Variants in TTC23L observed in about 807,000 individuals in gnomAD.
The protein encoded by TTC23L is tetratricopeptide repeat domain 23 like.
Under a neutral mutation model 48.1 loss-of-function variants are expected in TTC23L, and 42 were observed. That is an observed-to-expected ratio of 0.87 (90% CI 0.68 to 1.13). The LOEUF (loss-of-function observed/expected upper bound fraction) is 1.13. Among genes scored for constraint, TTC23L ranks in the 50% most tolerant of loss-of-function variants. The probability of loss-of-function intolerance (pLI) is 0.00; values close to 1 mark genes in which losing one functional copy is unlikely to be tolerated. For synonymous variants in TTC23L, 159 were observed against 157.2 expected, an observed-to-expected ratio of 1.01 and a Z score of -0.09; for missense variants, 391 against 421.0, an observed-to-expected ratio of 0.93 and a Z score of 0.62.
chr5:34,845,170 T>G (rs891893024), intron 2 of TTC23L, among the ~76,000 whole-genome samples: 2 of 152,226 alleles, frequency 1.3e-5, no homozygotes, highest in Non-Finnish European at 2.9e-5. Context: ...ATTATCTCAT[T>G]TAATCCCATA....
In TTC23L at chr5:34,880,426, G is replaced by C. The variant is rs1224246090; in HGVS notation, c.1077+118G>C. On this transcript the variant is annotated intron_variant, in intron 9 of 10. Coordinates refer to ENST00000505624, the Ensembl canonical transcript of TTC23L. ...ATAGGTCCCAGATAAAACTAGGCAA[G>C]AACCACATTGTTTCATTCTTTGCTA... The C allele has an allele frequency of 7.5e-6, 8 of 1,065,102 alleles. No individual in the cohort carries two copies. The Admixed American group carries it at 2.5e-4, about 33-fold the overall frequency. 66.0% of individuals were successfully genotyped at this position (1,065,102 alleles called of 1,614,324 possible). A position where few individuals can be genotyped will look rare whatever the true frequency, so the allele number is the denominator to read the frequency against.
At chr5:34,879,555 C>A (rs184937510) in intron 8 of TTC23L, among the ~76,000 whole-genome samples, 1 of 152,260 alleles carries the variant, frequency 6.6e-6, no homozygotes, top group South Asian at 2.1e-4. Context: ...AAAATATAGT[C>A]TTGCAGTATA....
At chr5:34,925,662 T>C in the TTC23L span, 7 of 579,124 alleles carry the variant, frequency 1.2e-5, no homozygotes, top group South Asian at 2.0e-4. Flanking sequence ...AAATAAAATA[T>C]CACCAGAATT....
intron 10 of TTC23L, 149 bp downstream of exon 10, chr5:34,897,024 C>A (rs1433143686): frequency 2.3e-5 from 12 of 529,656 alleles, no homozygotes; most frequent in African/African-American, 3.8e-5. Context: ...AAAAAAAAAA[C>A]AAAAAAAACA....
chr5:34,853,731 A>G (rs558715524), intron 4 of TTC23L, among the ~76,000 whole-genome samples: 1 of 152,306 alleles, frequency 6.6e-6, no homozygotes, highest in Non-Finnish European at 1.5e-5. Context: ...AGGAAGGTCA[A>G]ATAAGGTAAT....
At chr5:34,919,360 G>A in the TTC23L span, among the ~76,000 whole-genome samples, 1 of 151,344 alleles carries the variant, frequency 6.6e-6, no homozygotes, top group African/African-American at 2.4e-5. Context: ...ATGTTGAGAG[G>A]TGCTTTGGGG....
At chr5:34,914,789 T>C in the TTC23L span, 5 of 1,614,120 alleles carry the variant, frequency 3.1e-6, no homozygotes, top group African/African-American at 5.3e-5. Context: ...TTCTCGGAAA[T>C]GAATAGCTTT....
intron 4 of TTC23L, among the ~76,000 whole-genome samples, chr5:34,859,632 C>T (rs1416686000): frequency 1.3e-5 from 2 of 152,046 alleles, no homozygotes; most frequent in Admixed American, 6.5e-5. Flanking sequence ...TATGTGGATG[C>T]AGCAAGAGGT....
intron 2 of TTC23L, among the ~76,000 whole-genome samples, chr5:34,842,688 A>G (rs1326965762): frequency 6.6e-6 from 1 of 152,218 alleles, no homozygotes; most frequent in Non-Finnish European, 1.5e-5. Context: ...AGATAACCTC[A>G]GCGCTAGGGA....
chr5:34,888,067 G>T (rs1463433263), intron 9 of TTC23L, among the ~76,000 whole-genome samples: 2 of 152,178 alleles, frequency 1.3e-5, no homozygotes, highest in Non-Finnish European at 2.9e-5. Context: ...AGGACTCAAG[G>T]TGGAGCCTTC....
At chr5:34,914,878 G>T in the TTC23L span, 1 of 1,614,014 alleles carries the variant, frequency 6.2e-7, no homozygotes, top group Non-Finnish European at 8.5e-7. Context: ...GGATCTGTTG[G>T]GTCAGAAGGG....
rs995997553 is a variant in TTC23L, at chr5:34,850,042, C to G, written c.256-143C>G. On this transcript the variant is annotated intron_variant, in intron 3 of 10. Coordinates refer to ENST00000505624, the Ensembl canonical transcript of TTC23L. Reference sequence around the variant, plus strand: ...AGGGGGAATGTGGATCCAACCAGACCTGATGGATTAGACACAGGATGAGAA... The same window carrying G: ...AGGGGGAATGTGGATCCAACCAGACGTGATGGATTAGACACAGGATGAGAA... 6.2e-6 allele frequency: 6 copies of G among 962,878 alleles called. No individual in the cohort carries two copies. The South Asian group carries it at 9.4e-5, about 15-fold the overall frequency. 59.6% of individuals were successfully genotyped at this position (962,878 alleles called of 1,614,324 possible).
Position 34,863,779 on chromosome 5 carries a change from T to A in TTC23L, c.537-658T>A, listed in dbSNP as rs1760851812. Among the ~76,000 whole-genome samples, 1 of 152,156 alleles carries A rather than the reference T, an allele frequency of 6.6e-6. No homozygotes were observed. The highest frequency in any genetic ancestry group is 2.1e-4 in the South Asian group (1 of 4,824). ...TGTTGTACCATCTCCACTGGAAAGATGTTAAGGGCATTTGATGTTCACGCA... is the reference window on the plus strand; with the variant it reads ...TGTTGTACCATCTCCACTGGAAAGAAGTTAAGGGCATTTGATGTTCACGCA... On this transcript the variant is annotated intron_variant, in intron 5 of 10. Coordinates refer to ENST00000505624, the Ensembl canonical transcript of TTC23L. This position sits in a 1 kb window ranked among gnomAD's most constrained non-coding sequence, Gnocchi z 4.1.
intron 4 of TTC23L, among the ~76,000 whole-genome samples, chr5:34,855,973 G>A (rs935546777): frequency 6.6e-6 from 1 of 152,170 alleles, no homozygotes; most frequent in African/African-American, 2.4e-5. Context: ...CGATAGAAAT[G>A]TGTTACCTAT....
intron 8 of TTC23L, among the ~76,000 whole-genome samples, chr5:34,871,862 CAAATGATACTGCA>C (rs1761491328): frequency 6.6e-6 from 1 of 151,956 alleles, no homozygotes; most frequent in Non-Finnish European, 1.5e-5. Flanking sequence ...GTCTTTAAAA[CAAATGATACTGCA>C]ACAACTGGAT....
intron 9 of TTC23L, chr5:34,888,441 C>G (rs1762665705): frequency 1.0e-6 from 1 of 982,722 alleles, no homozygotes; most frequent in Non-Finnish European, 1.2e-6. Context: ...CCTGTTGTTT[C>G]TCACCTCACC....
chr5:34,853,703 C>T (rs972302187), intron 4 of TTC23L, among the ~76,000 whole-genome samples: 1 of 152,144 alleles, frequency 6.6e-6, no homozygotes, highest in Non-Finnish European at 1.5e-5. Context: ...ACAGTGGTTT[C>T]AACAGTTCAG....
At chr5:34,842,267 T>A (rs956788560) in intron 2 of TTC23L, among the ~76,000 whole-genome samples, 1 of 152,346 alleles carries the variant, frequency 6.6e-6, no homozygotes, top group African/African-American at 2.4e-5. Flanking sequence ...ATTTTACATT[T>A]ACAGCACATC....
At chr5:34,921,712 C>G in the TTC23L span, 1 of 152,406 alleles carries the variant, frequency 6.6e-6, no homozygotes, top group Non-Finnish European at 1.5e-5. Context: ...TCAAGACCAG[C>G]CAGACCAACA....
Sources: allele counts gnomAD v4.1 joint callset (sites outside exome capture counted in the v4.1 genomes callset), GRCh38; gene constraint gnomAD v4.1.1; non-coding constraint Gnocchi (gnomAD v3.1); transcripts MANE v1.5; gene names NCBI Gene and HGNC (gene_info 2026-07-23, HGNC 2026-07-21).